The following AGXT2 variants were observed in gnomAD, a reference collection of about 807,000 sequenced individuals.
AGXT2 encodes alanine--glyoxylate aminotransferase 2.
A neutral mutation model predicts 62.5 loss-of-function variants in AGXT2; 61 were observed. The ratio of observed to expected loss-of-function variants is 0.98; its 90% CI spans 0.79 to 1.21. AGXT2 has a LOEUF of 1.21. AGXT2 is among the 50% of genes most tolerant of loss of function. The pLI is 0.00. For synonymous variants in AGXT2, 243 were observed against 218.7 expected (o/e 1.11, Z -0.98); for missense variants, 666 against 641.5 (o/e 1.04, Z -0.41).
chr5:35,028,238 A>G (rs180974041), intron 7 of AGXT2, among the ~76,000 whole-genome samples: 6 of 152,180 alleles, frequency 3.9e-5, no homozygotes, highest in African/African-American at 1.4e-4. Flanking sequence ...AATGCATTTC[A>G]TTTTATCCAG....
chr5:35,011,368 G>A (rs532139489), intron 11 of AGXT2, among the ~76,000 whole-genome samples: 20 of 150,904 alleles, frequency 1.3e-4, no homozygotes, highest in Non-Finnish European at 2.5e-4. Context: ...GCTGAGGCAT[G>A]AGAATCGCTT....
intron 9 of AGXT2, among the ~76,000 whole-genome samples, chr5:35,016,625 G>A (rs1402354074): frequency 6.6e-6 from 1 of 152,100 alleles, no homozygotes; most frequent in Non-Finnish European, 1.5e-5. Context: ...TGGTTCTTTA[G>A]GACATGAGCC....
At chr5:35,003,632 T>C in intron 13 of AGXT2, 131 bp downstream of exon 13, 1 of 879,226 alleles carries the variant, frequency 1.1e-6, no homozygotes, top group Non-Finnish European at 1.9e-6. Flanking sequence ...GCTGGGTACC[T>C]CGGCACAGTT....
intron 11 of AGXT2, chr5:35,012,430 A>G (rs1410031897): frequency 6.4e-6 from 1 of 155,856 alleles, no homozygotes; most frequent in Non-Finnish European, 1.4e-5. Flanking sequence ...TAAGCAAATG[A>G]TATTAGGCGT....
rs1767895116 is a variant in AGXT2 at position 35,039,365 on chromosome 5, GA to G, written c.320del (p.Phe107SerfsTer17). ...CACTGACAGTAACAATCCCGGAAAA[GA>G]AATCCAGGTATCTGCTTCCTTCAGC... ...FDAEGSRYLD[F>X]FSGIVTVSVG... On this transcript the variant is annotated frameshift_variant, in exon 3 of 14. Coordinates refer to ENST00000231420, the MANE Select transcript of AGXT2 (RefSeq NM_031900.4). LOFTEE classifies it high-confidence loss of function. 6.2e-7 allele frequency: 1 copy of G among 1,614,100 alleles called. No homozygotes were observed. The highest frequency in any genetic ancestry group is 2.2e-5 in the East Asian group (1 of 44,876).
At chr5:35,021,787 A>T (rs62358260) in intron 9 of AGXT2, among the ~76,000 whole-genome samples, 32,511 of 151,044 alleles carry the variant, frequency 0.22, 3,485 homozygotes, top group South Asian at 0.3. Context: ...TGAACAGGCA[A>T]CCTACAAAAC....
chr5:35,026,870 T>C, intron 7 of AGXT2: 1 of 985,326 alleles, frequency 1.0e-6, no homozygotes, highest in Non-Finnish European at 1.2e-6. Context: ...CTAATTCAAA[T>C]GTAATTAGAG....
chr5:35,036,460 GA>G (rs993268780), intron 4 of AGXT2, among the ~76,000 whole-genome samples: 5 of 152,094 alleles, frequency 3.3e-5, no homozygotes, highest in African/African-American at 1.2e-4. Context: ...AGCTCATGTA[GA>G]AAAAAATATC....
chr5:35,003,994 T>A (rs1003786759), intron 12 of AGXT2, 133 bp from the exon 13 acceptor site: 1 of 737,200 alleles, frequency 1.4e-6, no homozygotes, highest in Admixed American at 2.4e-5. Flanking sequence ...TCTTTCTCTC[T>A]GTCCTCTCCT....
chr5:35,035,003 G>A (rs1229732727), intron 5 of AGXT2, among the ~76,000 whole-genome samples: 5 of 152,156 alleles, frequency 3.3e-5, no homozygotes, highest in Non-Finnish European at 5.9e-5. Context: ...ACTTCAAGCT[G>A]GTCGTGACCA....
chr5:35,041,223 C>CAAAAAAA (rs3034208), intron 1 of AGXT2, among the ~76,000 whole-genome samples: 2,026 of 51,088 alleles, frequency 0.04, 185 homozygotes, highest in African/African-American at 0.083. Flanking sequence ...CTCCCCCCGC[C>CAAAAAAA]AAAAAAAAAA....
chr5:34,999,793 T>A (rs865797877), intron 13 of AGXT2, among the ~76,000 whole-genome samples: 1 of 152,202 alleles, frequency 6.6e-6, no homozygotes, highest in Non-Finnish European at 1.5e-5. Flanking sequence ...CATCCATTTT[T>A]ATAAACTTTC....
chr5:35,018,849 C>G (rs1766953038), intron 9 of AGXT2, among the ~76,000 whole-genome samples: 2 of 143,264 alleles, frequency 1.4e-5, no homozygotes, highest in Admixed American at 1.4e-4. Context: ...CAGAGACACA[C>G]ATAGGCTCAA....
intron 8 of AGXT2, 107 bp from the exon 9 acceptor site, chr5:35,025,962 G>A: frequency 3.2e-6 from 3 of 933,774 alleles, no homozygotes; most frequent in South Asian, 2.8e-5. Context: ...AGTAACACTA[G>A]CAATTTTAAC....
At chr5:35,041,865 T>C (rs1768004544) in intron 1 of AGXT2, among the ~76,000 whole-genome samples, 1 of 152,200 alleles carries the variant, frequency 6.6e-6, no homozygotes, top group Non-Finnish European at 1.5e-5. Flanking sequence ...TTCAAAGAGA[T>C]ATATAATCAC....
rs985427878 is a variant in AGXT2 at position 34,998,577 on chromosome 5, G to A, written c.*142C>T. 1.5e-6 allele frequency: 1 copy of A among 688,272 alleles called. No individual in the cohort carries two copies. The highest frequency in any genetic ancestry group is 2.6e-6 in the Non-Finnish European group (1 of 388,746). 42.6% of individuals were successfully genotyped at this position (688,272 alleles called of 1,614,324 possible). On this transcript the variant is annotated 3_prime_UTR_variant, in exon 14 of 14. Transcript: ENST00000231420. ...CTCTGCTAACAAATATGGTTGGTAGGCAGTCAACCATGACTTTTACAGCTC... is the reference window on the plus strand; with the variant it reads ...CTCTGCTAACAAATATGGTTGGTAGACAGTCAACCATGACTTTTACAGCTC...
intron 7 of AGXT2, among the ~76,000 whole-genome samples, chr5:35,027,288 CCTTT>C (rs369577297): frequency 1.6e-4 from 24 of 151,192 alleles, no homozygotes; most frequent in East Asian, 7.8e-4. Flanking sequence ...TGCTTGAAGG[CCTTT>C]CTTTCTTTCT....
intron 1 of AGXT2, among the ~76,000 whole-genome samples, chr5:35,044,269 C>G (rs1037516418): frequency 6.6e-6 from 1 of 152,154 alleles, no homozygotes; most frequent in African/African-American, 2.4e-5. Context: ...AGTGTCTGGT[C>G]GGTAGAGAAA....
intron 6 of AGXT2, 105 bp from the exon 7 acceptor site, chr5:35,032,930 C>T (rs1279670549): frequency 2.2e-6 from 2 of 893,828 alleles, no homozygotes; most frequent in Non-Finnish European, 3.6e-6. Flanking sequence ...TAGTTTTCCT[C>T]CCTCATTCTT....
Sources: allele counts gnomAD v4.1 joint callset (sites outside exome capture counted in the v4.1 genomes callset), GRCh38; gene constraint gnomAD v4.1.1; transcripts MANE v1.5; gene names NCBI Gene and HGNC (gene_info 2026-07-23, HGNC 2026-07-21).